Variants in THSD7A observed in about 807,000 individuals in gnomAD.
THSD7A encodes thrombospondin type-1 domain-containing protein 7A.
Under a neutral mutation model 231.3 loss-of-function variants are expected in THSD7A, and 96 were observed. That is an observed-to-expected ratio of 0.41 (90% CI 0.35 to 0.49). The LOEUF is 0.49. Among genes scored for constraint, THSD7A ranks in the 20% least tolerant of loss-of-function variants. The probability of loss-of-function intolerance (pLI) is 0.05; values close to 1 mark genes in which losing one functional copy is unlikely to be tolerated. For missense variants in THSD7A, 2,290 were observed against 2,070.2 expected (o/e 1.11, Z -2.06); for synonymous variants, 940 against 743.3 (o/e 1.26, Z -4.30).
intron 2 of THSD7A, among the ~76,000 whole-genome samples, chr7:11,607,856 G>A (rs764468833): frequency 1.3e-5 from 2 of 152,038 alleles, no homozygotes; most frequent in Admixed American, 6.6e-5. Flanking sequence ...ATTGCCAAAC[G>A]GTGTCACCTG....
At chr7:11,472,453 A>T (rs1367071641) in intron 8 of THSD7A, among the ~76,000 whole-genome samples, 1 of 152,166 alleles carries the variant, frequency 6.6e-6, no homozygotes, top group Non-Finnish European at 1.5e-5. Flanking sequence ...AATTTAACCT[A>T]GCATGTAGGG....
intron 6 of THSD7A, among the ~76,000 whole-genome samples, chr7:11,500,840 G>A (rs1787302914): frequency 6.6e-6 from 1 of 151,768 alleles, no homozygotes; most frequent in African/African-American, 2.4e-5. Context: ...GGAGGCTGAG[G>A]CAGAGAATTG....
intron 2 of THSD7A, among the ~76,000 whole-genome samples, chr7:11,605,191 T>C (rs1444640790): frequency 6.6e-6 from 1 of 152,126 alleles, no homozygotes; most frequent in African/African-American, 2.4e-5. Flanking sequence ...CATGTATATA[T>C]GTATATATGT....
At chr7:11,701,423 G>C (rs1780597933) in intron 1 of THSD7A, among the ~76,000 whole-genome samples, 1 of 151,010 alleles carries the variant, frequency 6.6e-6, no homozygotes, top group South Asian at 2.1e-4. Context: ...TGCCATCCTT[G>C]AATTTTTGTG....
intron 1 of THSD7A, among the ~76,000 whole-genome samples, chr7:11,829,179 G>T (rs531517569): frequency 1.3e-5 from 2 of 152,138 alleles, no homozygotes; most frequent in South Asian, 2.1e-4. Context: ...TTTTGGGGAA[G>T]TCAAAAGTTA....
intron 1 of THSD7A, among the ~76,000 whole-genome samples, chr7:11,657,318 G>C (rs1454996962): frequency 6.6e-6 from 1 of 151,658 alleles, no homozygotes; most frequent in Non-Finnish European, 1.5e-5. Flanking sequence ...AGGTTGTTTA[G>C]GTACAATTGT....
intron 1 of THSD7A, among the ~76,000 whole-genome samples, chr7:11,657,116 C>T (rs1461633873): frequency 6.6e-6 from 1 of 151,774 alleles, no homozygotes; most frequent in Non-Finnish European, 1.5e-5. Flanking sequence ...TAAATTATAG[C>T]TCTTTGCCAT....
At chr7:11,700,832 T>C (rs916438955) in intron 1 of THSD7A, among the ~76,000 whole-genome samples, 1 of 150,762 alleles carries the variant, frequency 6.6e-6, no homozygotes, top group Admixed American at 6.7e-5. Context: ...ATAAATTTCA[T>C]CTCCATGTAA....
chr7:11,505,039 A>G (rs1049639954), intron 6 of THSD7A, among the ~76,000 whole-genome samples: 3 of 152,174 alleles, frequency 2.0e-5, no homozygotes, highest in Non-Finnish European at 4.4e-5. Context: ...CTGATTGTCA[A>G]ACTTAACTTC....
intron 6 of THSD7A, among the ~76,000 whole-genome samples, chr7:11,534,234 T>C (rs1010507858): frequency 1.3e-5 from 2 of 152,320 alleles, no homozygotes; most frequent in East Asian, 1.9e-4. Context: ...TTATTTGCCA[T>C]AATTCTTTGC....
intron 26 of THSD7A, chr7:11,376,997 G>A (rs1782301922): frequency 5.9e-6 from 1 of 170,014 alleles, no homozygotes; most frequent in Admixed American, 6.3e-5. Context: ...CTGATTTTCA[G>A]TGTATTTTGA....
intron 1 of THSD7A, among the ~76,000 whole-genome samples, chr7:11,709,202 C>T (rs1368483657): frequency 6.6e-6 from 1 of 150,768 alleles, no homozygotes; most frequent in Non-Finnish European, 1.5e-5. Flanking sequence ...GCTCTCTGCT[C>T]ATGCTGCATA....
intron 1 of THSD7A, among the ~76,000 whole-genome samples, chr7:11,727,154 T>A (rs1474892306): frequency 6.6e-6 from 1 of 152,036 alleles, no homozygotes; most frequent in Non-Finnish European, 1.5e-5. Flanking sequence ...AATATTCTTA[T>A]TTTACCAGGA....
In THSD7A at chr7:11,373,455, A is replaced by ATTAT. The variant is rs1027066420; in HGVS notation, c.*2335_*2338dup. The ATTAT allele has an allele frequency of 6.6e-6, 1 of 151,950 alleles. No homozygotes were observed. Among genetic ancestry groups the ATTAT allele is most frequent in the African/African-American group, 2.4e-5 (1 of 41,418 alleles). The allele number at this position is 151,950 out of a possible 1,614,324, so 9.4% of individuals were successfully genotyped here. On this transcript the variant is annotated 3_prime_UTR_variant, in exon 28 of 28. Coordinates refer to ENST00000423059, the MANE Select transcript of THSD7A (RefSeq NM_015204.3). ...ACAATCACAGTTTTAAAGTAACAAT[A>ATTAT]TTATTTTTTCTTCCTCTTTAATAAA...
intron 1 of THSD7A, among the ~76,000 whole-genome samples, chr7:11,642,846 A>G (rs1782136772): frequency 6.6e-6 from 1 of 152,090 alleles, no homozygotes; most frequent in Non-Finnish European, 1.5e-5. Context: ...TCCTCTTGAT[A>G]TCGTTCAAAA....
intron 1 of THSD7A, among the ~76,000 whole-genome samples, chr7:11,705,430 G>A (rs771631680): frequency 1.3e-4 from 20 of 151,006 alleles, no homozygotes; most frequent in Non-Finnish European, 4.5e-5. Flanking sequence ...TCTGGAAGTT[G>A]ACTCAGTAAT....
intron 11 of THSD7A, among the ~76,000 whole-genome samples, chr7:11,455,236 T>C (rs1785269118): frequency 6.6e-6 from 1 of 152,064 alleles, no homozygotes; most frequent in African/African-American, 2.4e-5. Flanking sequence ...CACCTTGACC[T>C]TCACATGCAC....
intron 13 of THSD7A, among the ~76,000 whole-genome samples, chr7:11,441,301 G>A (rs1784796451): frequency 6.6e-6 from 1 of 152,014 alleles, no homozygotes; most frequent in African/African-American, 2.4e-5. Context: ...AATGTAAAAT[G>A]TAAAGCCGGA....
At chr7:11,691,577 CTATCTTATAATATCTATATA>C (rs1425481241) in intron 1 of THSD7A, among the ~76,000 whole-genome samples, 1 of 151,326 alleles carries the variant, frequency 6.6e-6, no homozygotes, top group Non-Finnish European at 1.5e-5. Context: ...TTATAATTCT[CTATCTTATAATATCTATATA>C]TAATCCATAA....
Sources: allele counts gnomAD v4.1 joint callset (sites outside exome capture counted in the v4.1 genomes callset), GRCh38; gene constraint gnomAD v4.1.1; transcripts MANE v1.5; gene names NCBI Gene and HGNC (gene_info 2026-07-23, HGNC 2026-07-21).